Variants in ARID1B observed in about 807,000 individuals in gnomAD.
ARID1B encodes the protein AT-rich interactive domain-containing protein 1B.
A neutral mutation model predicts 212.3 loss-of-function variants in ARID1B; 30 were observed. The observed-to-expected ratio is 0.14, with a 90% CI of 0.11 to 0.19. ARID1B has a LOEUF of 0.19. ARID1B is among the 10% of genes least tolerant of loss of function. The pLI, the probability that ARID1B is intolerant of heterozygous loss-of-function variation, is 1.00. For missense variants in ARID1B, 2,891 were observed against 3,204.0 expected, an observed-to-expected ratio of 0.90 and a Z score of 2.36; for synonymous variants, 1,402 against 1,301.7, an observed-to-expected ratio of 1.08 and a Z score of -1.66.
chr6:157,204,190 G>A (rs1794295174), intron 19 of ARID1B, 194 bp downstream of exon 19: 4 of 642,632 alleles, frequency 6.2e-6, no homozygotes, highest in Admixed American at 2.8e-5. Context: ...TTTAGTGTGT[G>A]TACACACACA....
At chr6:156,869,334 G>A (rs1785943671) in intron 2 of ARID1B, among the ~76,000 whole-genome samples, 1 of 152,128 alleles carries the variant, frequency 6.6e-6, no homozygotes, top group Admixed American at 6.5e-5. Flanking sequence ...ATCTTCTGTT[G>A]CCTCAACATC....
intron 4 of ARID1B, among the ~76,000 whole-genome samples, chr6:156,987,505 T>C (rs1221352181): frequency 2.6e-5 from 4 of 152,178 alleles, no homozygotes; most frequent in African/African-American, 7.2e-5. Flanking sequence ...TAATTTTTTA[T>C]ATTTTCAGTA....
chr6:157,011,850 C>T (rs147935050), intron 4 of ARID1B, among the ~76,000 whole-genome samples: 3,943 of 152,134 alleles, frequency 0.026, 61 homozygotes, highest in African/African-American at 0.034. Flanking sequence ...AATAAGGAAC[C>T]GACAGATTCA....
At chr6:157,034,700 C>T (rs1781215921) in intron 4 of ARID1B, among the ~76,000 whole-genome samples, 1 of 152,112 alleles carries the variant, frequency 6.6e-6, no homozygotes, top group African/African-American at 2.4e-5. Context: ...TTAGACTCAG[C>T]GTGAAAACCT....
intron 3 of ARID1B, among the ~76,000 whole-genome samples, chr6:156,915,238 C>CT (rs1790251664): frequency 6.6e-6 from 1 of 152,140 alleles, no homozygotes; most frequent in South Asian, 2.1e-4. Flanking sequence ...AGCAAACAGG[C>CT]TTTCTTCTTT....
chr6:157,176,984 A>G (rs1159325683), intron 11 of ARID1B, among the ~76,000 whole-genome samples: 1 of 152,248 alleles, frequency 6.6e-6, no homozygotes, highest in Admixed American at 6.5e-5. Context: ...ATTTTAATTC[A>G]CTAGTTAAGA....
chr6:157,062,570 G>A (rs1393627803), intron 4 of ARID1B, among the ~76,000 whole-genome samples: 1 of 151,962 alleles, frequency 6.6e-6, no homozygotes, highest in Non-Finnish European at 1.5e-5. Context: ...TTCATAGAAG[G>A]TATGAGGACA....
chr6:156,808,721 A>G (rs1781355490), intron 1 of ARID1B, among the ~76,000 whole-genome samples: 1 of 152,240 alleles, frequency 6.6e-6, no homozygotes, highest in Non-Finnish European at 1.5e-5. Flanking sequence ...GTATTGTTTA[A>G]TAAGGATTTA....
At chr6:157,130,544 A>G (rs1788477751) in intron 6 of ARID1B, among the ~76,000 whole-genome samples, 1 of 152,246 alleles carries the variant, frequency 6.6e-6, no homozygotes, top group Non-Finnish European at 1.5e-5. Context: ...GGAAGCTGCC[A>G]ATTGAGCCCA....
chr6:157,092,194 A>G (rs1785323899), intron 5 of ARID1B, among the ~76,000 whole-genome samples: 1 of 152,248 alleles, frequency 6.6e-6, no homozygotes, highest in Non-Finnish European at 1.5e-5. Flanking sequence ...ATACAAAACT[A>G]TTTCCATTCC....
intron 12 of ARID1B, among the ~76,000 whole-genome samples, chr6:157,181,666 C>T (rs546115247): frequency 6.6e-6 from 1 of 152,266 alleles, no homozygotes; most frequent in East Asian, 1.9e-4. Flanking sequence ...TTGCTGTGAC[C>T]TCCAGCGGGC....
At chr6:157,008,102 T>TCC (rs1290418285) in intron 4 of ARID1B, among the ~76,000 whole-genome samples, 27 of 152,122 alleles carry the variant, frequency 1.8e-4, no homozygotes, top group Non-Finnish European at 3.5e-4. Flanking sequence ...TTTTCTTACT[T>TCC]TCCCTCTCTT....
At chr6:156,933,776 G>T (rs1216617972) in intron 3 of ARID1B, among the ~76,000 whole-genome samples, 8 of 152,056 alleles carry the variant, frequency 5.3e-5, no homozygotes, top group Admixed American at 1.3e-4. Context: ...TTGTTTGTTT[G>T]TTTTTTTGGT....
intron 2 of ARID1B, among the ~76,000 whole-genome samples, chr6:156,845,561 T>C (rs1016560699): frequency 3.3e-5 from 5 of 152,146 alleles, no homozygotes. Context: ...GTTCCCCCAC[T>C]GTCCTCTGAG....
intron 2 of ARID1B, among the ~76,000 whole-genome samples, chr6:156,884,319 A>G (rs1032744798): frequency 3.7e-5 from 5 of 135,120 alleles, no homozygotes; most frequent in African/African-American, 1.3e-4. Flanking sequence ...TGATAATTTA[A>G]GAATTTTTTT....
chr6:156,969,071 G>A (rs192393632), intron 4 of ARID1B, among the ~76,000 whole-genome samples: 1 of 152,346 alleles, frequency 6.6e-6, no homozygotes, highest in Non-Finnish European at 1.5e-5. Context: ...AACTTTCAGA[G>A]GCTGAGGATT....
intron 13 of ARID1B, among the ~76,000 whole-genome samples, chr6:157,187,499 C>T (rs1301388428): frequency 1.3e-5 from 2 of 152,174 alleles, no homozygotes. Flanking sequence ...TATTCCTTCT[C>T]CCCACCCTAC....
At chr6:156,865,336 A>T in intron 2 of ARID1B, among the ~76,000 whole-genome samples, 1 of 152,140 alleles carries the variant, frequency 6.6e-6, no homozygotes, top group East Asian at 1.9e-4. Context: ...CTCATGCATG[A>T]CTTATAGATT....
chr6:156,981,871 G>A (rs977046885), intron 4 of ARID1B, among the ~76,000 whole-genome samples: 1 of 151,980 alleles, frequency 6.6e-6, no homozygotes, highest in African/African-American at 2.4e-5. Context: ...ACTGGGCAGT[G>A]CAGTCTTCAT....
Sources: gnomAD v4.1 joint callset for allele counts (sites outside exome capture counted in the v4.1 genomes callset) on GRCh38, gnomAD v4.1.1 for gene constraint, MANE v1.5 for transcripts, NCBI Gene and HGNC (gene_info 2026-07-23, HGNC 2026-07-21) for gene names.